Variants in DLC1 observed in about 807,000 individuals in gnomAD.
DLC1 encodes the protein DLC1 Rho GTPase activating protein.
DLC1 carries 54 observed loss-of-function variants against 140.3 expected under a neutral mutation model. The ratio of observed to expected loss-of-function variants is 0.38; its 90% CI spans 0.31 to 0.48. The LOEUF is 0.48. Ranked by LOEUF, DLC1 falls within the 20% of genes least tolerant of loss-of-function variation. The pLI is 0.96. For missense variants in DLC1, 2,536 were observed against 1,907.0 expected, an observed-to-expected ratio of 1.33 and a Z score of -6.14; for synonymous variants, 986 against 728.1, an observed-to-expected ratio of 1.35 and a Z score of -5.70.
chr8:13,319,579 TC>T (rs1164934759), intron 4 of DLC1, among the ~76,000 whole-genome samples: 1 of 121,926 alleles, frequency 8.2e-6, no homozygotes, highest in Non-Finnish European at 1.8e-5. Context: ...CTCGCCCTCT[TC>T]CTCCAGCGCC....
intron 5 of DLC1, among the ~76,000 whole-genome samples, chr8:13,221,319 A>T (rs1257371388): frequency 6.6e-6 from 1 of 151,734 alleles, no homozygotes; most frequent in Non-Finnish European, 1.5e-5. Context: ...ATCCCTGCTC[A>T]CGGGCCTATT....
chr8:13,203,917 C>T (rs1316932241), intron 5 of DLC1, among the ~76,000 whole-genome samples: 1 of 152,134 alleles, frequency 6.6e-6, no homozygotes, highest in Non-Finnish European at 1.5e-5. Flanking sequence ...TGACTCATTT[C>T]CCTGCCATTG....
chr8:13,147,571 G>A (rs936121875), intron 5 of DLC1, among the ~76,000 whole-genome samples: 38 of 152,310 alleles, frequency 2.5e-4, no homozygotes, highest in African/African-American at 8.9e-4. Flanking sequence ...GTATAATGAA[G>A]CAGTTCTACT....
chr8:13,090,428 G>C lies in DLC1; in HGVS notation c.3898C>G (p.Gln1300Glu), dbSNP rs1206339012. Residue 1300 changes from glutamine to glutamate, a missense_variant, in exon 15 of 18, where the codon CAA (glutamine) becomes GAA (glutamate). Gln to Glu is a conservative substitution (Grantham distance 29, BLOSUM62 2). Coordinates refer to ENST00000276297, the MANE Select transcript of DLC1 (RefSeq NM_182643.3). Reference protein sequence around the residue: ...MSRCRNSYTEQELKPLTLEAL... With the variant: ...MSRCRNSYTEEELKPLTLEAL... The stretch of plus-strand genomic sequence containing the variant: ...TCCAGAGTGAGGGGCTTCAGCTCTT[G>C]TTCGGTATAGGAATTACGACATCGG... 1.9e-6 allele frequency: 3 copies of C among 1,614,174 alleles called. No homozygotes were observed. Among genetic ancestry groups the C allele is most frequent in the Admixed American group, 1.7e-5 (1 of 60,024 alleles).
intron 4 of DLC1, among the ~76,000 whole-genome samples, chr8:13,365,952 A>G (rs1835458408): frequency 6.6e-6 from 1 of 152,188 alleles, no homozygotes; most frequent in South Asian, 2.1e-4. Flanking sequence ...TCTTCCGCAA[A>G]GAGAGGGGAA....
At chr8:13,303,280 T>A (rs1392324242) in intron 5 of DLC1, among the ~76,000 whole-genome samples, 1 of 152,196 alleles carries the variant, frequency 6.6e-6, no homozygotes, top group Non-Finnish European at 1.5e-5. Context: ...AGATGGGGCA[T>A]CCTGGGGCCT....
chr8:13,361,813 C>T (rs889439123), intron 4 of DLC1, among the ~76,000 whole-genome samples: 2 of 152,128 alleles, frequency 1.3e-5, no homozygotes, highest in African/African-American at 2.4e-5. Context: ...TGACAGTAGG[C>T]GTTGCTGCCT....
intron 1 of DLC1, among the ~76,000 whole-genome samples, chr8:13,525,502 T>C (rs1416688237): frequency 6.6e-6 from 1 of 152,230 alleles, no homozygotes; most frequent in African/African-American, 2.4e-5. Context: ...ACAGTTGGTA[T>C]GATGAGTCTT....
rs528750246 is a variant in DLC1 at position 13,348,016 on chromosome 8, G to A, written c.1315-42714C>T. Reference sequence around the variant, plus strand: ...AGGCAGGAGAATGGCGTGAACCCGGGAGACATAGCTTGCAGTCAGCCGAGA... The same window carrying A: ...AGGCAGGAGAATGGCGTGAACCCGGAAGACATAGCTTGCAGTCAGCCGAGA... On this transcript the variant is annotated intron_variant, in intron 4 of 17. Coordinates refer to ENST00000276297, the MANE Select transcript of DLC1 (RefSeq NM_182643.3). Among the ~76,000 whole-genome samples, 4 of 152,210 alleles carry A rather than the reference G, an allele frequency of 2.6e-5. No homozygotes were observed. The South Asian group carries it at 8.3e-4, about 32-fold the overall frequency.
chr8:13,139,644 T>C (rs968715926), intron 5 of DLC1, among the ~76,000 whole-genome samples: 5 of 152,230 alleles, frequency 3.3e-5, no homozygotes, highest in Admixed American at 3.3e-4. Context: ...ACAGTAGGAA[T>C]TCCTTTTAAA....
intron 6 of DLC1, 119 bp from the exon 7 acceptor site, chr8:13,110,942 A>T (rs920895892): frequency 4.6e-5 from 38 of 829,612 alleles, no homozygotes; most frequent in Non-Finnish European, 7.1e-5. Context: ...CTACTGTAGG[A>T]CACCTCATTC....
At position 13,499,553 on chromosome 8, in the gene DLC1, T is replaced by G; in HGVS notation, c.519A>C (p.Ala173=). ...SWGIAGETEL[A]LVKESGERKV... ...TTCTCTCCCCACTTTCTTTTACCAG[T>G]GCTAATTCAGTTTCACCAGCTATTC... Residue 173 remains alanine (A), a synonymous_variant, in exon 2 of 18, where the codon GCA becomes GCC. Transcript: ENST00000276297. The G allele has an allele frequency of 6.2e-7, 1 of 1,614,188 alleles. No homozygotes were observed. The highest frequency in any genetic ancestry group is 8.5e-7 in the Non-Finnish European group (1 of 1,180,016).
At chr8:13,280,637 T>C (rs913124600) in intron 5 of DLC1, among the ~76,000 whole-genome samples, 17 of 152,222 alleles carry the variant, frequency 1.1e-4, no homozygotes, top group African/African-American at 3.9e-4. Context: ...CCATCTTCTC[T>C]GATTTAATGT....
Position 13,579,691 on chromosome 8 carries a change from T to C in DLC1, c.-126+24846A>G, listed in dbSNP as rs191296153. 7.0e-4 allele frequency among the ~76,000 whole-genome samples: 102 copies of C among 146,080 alleles called. 2 individuals are homozygous for C. Among genetic ancestry groups the C allele is most frequent in the Admixed American group, 4.0e-3 (56 of 14,012 alleles). ...ACATATGTATGTATGTATATTTATA[T>C]ATCTTATTATATCACAATATTAGAG... On this transcript the variant is annotated intron_variant, in intron 1 of 1. Coordinates refer to the DLC1 transcript ENST00000631382.
At chr8:13,588,469 A>G (rs780438973) in intron 1 of DLC1, among the ~76,000 whole-genome samples, 1 of 152,152 alleles carries the variant, frequency 6.6e-6, no homozygotes, top group Non-Finnish European at 1.5e-5. Context: ...GAGGCAGCAG[A>G]ATATTATCAT....
At chr8:13,398,259 G>A (rs289571) in intron 3 of DLC1, among the ~76,000 whole-genome samples, 54,847 of 149,824 alleles carry the variant, frequency 0.37, 10,506 homozygotes, top group East Asian at 0.77. Context: ...TCCAGAAAGA[G>A]AGTCAAGAGG....
intron 1 of DLC1, among the ~76,000 whole-genome samples, chr8:13,503,394 A>T (rs1424946608): frequency 6.6e-6 from 1 of 152,158 alleles, no homozygotes; most frequent in African/African-American, 2.4e-5. Context: ...ATAGAGCAAA[A>T]AAAAATAATA....
chr8:13,494,732 C>G (rs1392028512), intron 2 of DLC1, among the ~76,000 whole-genome samples: 2 of 152,086 alleles, frequency 1.3e-5, no homozygotes. Flanking sequence ...AGGTGGATCA[C>G]TTGAGGTCAG....
intron 1 of DLC1, among the ~76,000 whole-genome samples, chr8:13,537,418 A>G (rs779969806): frequency 1.2e-4 from 18 of 152,158 alleles, no homozygotes; most frequent in Non-Finnish European, 1.9e-4. Flanking sequence ...GAAACACTGA[A>G]AATGTCTGAA....
Sources: allele counts gnomAD v4.1 joint callset (sites outside exome capture counted in the v4.1 genomes callset), GRCh38; gene constraint gnomAD v4.1.1; transcripts MANE v1.5; gene names NCBI Gene and HGNC (gene_info 2026-07-23, HGNC 2026-07-21).